RNF125: variants seen among roughly 807,000 people sequenced by gnomAD.
The protein encoded by RNF125 is ring finger protein 125.
RNF125 carries 21 observed loss-of-function variants against 26.0 expected under a neutral mutation model. The ratio of observed to expected loss-of-function variants is 0.81; its 90% CI spans 0.57 to 1.16. The LOEUF (loss-of-function observed/expected upper bound fraction) is 1.16, where lower values mean the gene tolerates loss of function less well. Among genes scored for constraint, RNF125 ranks in the 50% most tolerant of loss-of-function variants. The pLI is 0.00. For missense variants in RNF125, 270 were observed against 299.4 expected (o/e 0.90, Z 0.72); for synonymous variants, 95 against 109.2 (o/e 0.87, Z 0.81).
rs945699454 is a variant in RNF125 at position 32,072,860 on chromosome 18, G to T, written c.*4476G>T. 1.3e-5 allele frequency: 2 copies of T among 152,160 alleles called. No individual in the cohort carries two copies. The highest frequency in any genetic ancestry group is 4.8e-5 in the African/African-American group (2 of 41,428). 9.4% of individuals were successfully genotyped at this position (152,160 alleles called of 1,614,324 possible). A position where few individuals can be genotyped will look rare whatever the true frequency, so the allele number is the denominator to read the frequency against. ...GGATTGATTGTGAATCTACACTAAA[G>T]ATATGGTTCCAGGCAGACCTCCTTA... On this transcript the variant is annotated 3_prime_UTR_variant, in exon 6 of 6. Coordinates refer to ENST00000217740, the MANE Select transcript of RNF125 (RefSeq NM_017831.4).
chr18:32,058,236 C>T (rs140713984), intron 4 of RNF125, among the ~76,000 whole-genome samples: 11 of 151,768 alleles, frequency 7.2e-5, no homozygotes, highest in African/African-American at 7.3e-5. Context: ...ATTTATGGGG[C>T]ACATGAAATA....
rs1309562655 is a variant in RNF125, at chr18:32,064,401, T to TC, written c.505-1501_505-1500insC. ...GGTGAAATCTTTTTCTTTTTCTTTT[T>TC]TTTTTTTTTTTTTTTTTTGAGACAG... On this transcript the variant is annotated intron_variant, in intron 4 of 5. Coordinates refer to ENST00000217740, the MANE Select transcript of RNF125 (RefSeq NM_017831.4). Among the ~76,000 whole-genome samples, 5 of 121,530 alleles carry TC rather than the reference T, an allele frequency of 4.1e-5. No individual in the cohort carries two copies. In the East Asian group the frequency reaches 6.4e-4, roughly 15 times the overall value. The allele number at this position is 121,530 out of a possible 152,430, so 79.7% of individuals were successfully genotyped here. A position where few individuals can be genotyped will look rare whatever the true frequency, so the allele number is the denominator to read the frequency against.
chr18:32,037,741 A>G (rs999224447), intron 2 of RNF125, among the ~76,000 whole-genome samples: 10 of 152,078 alleles, frequency 6.6e-5, no homozygotes, highest in Non-Finnish European at 2.9e-5. Context: ...AGCGCTCTGT[A>G]AAATGCACCA....
intron 1 of RNF125, among the ~76,000 whole-genome samples, chr18:32,020,034 TTGAGA>T (rs1555690585): frequency 2.5e-5 from 3 of 121,598 alleles, no homozygotes; most frequent in Non-Finnish European, 5.1e-5. Context: ...GTGTGTGTGT[TTGAGA>T]GAGAGAGAGA....
rs2144521459 is a variant in RNF125 at position 32,069,386 on chromosome 18, A to T, written c.*1002A>T. The T allele has an allele frequency of 6.6e-6, 1 of 152,302 alleles. No homozygotes were observed. The highest frequency in any genetic ancestry group is 1.9e-4 in the East Asian group (1 of 5,192). The allele number at this position is 152,302 out of a possible 1,614,324, so 9.4% of individuals were successfully genotyped here. Reference sequence around the variant, plus strand: ...ATTTCTATAATATAAGCAATTTCTTAAAAACCATCAGATGATACTTACAGT... The same window carrying T: ...ATTTCTATAATATAAGCAATTTCTTTAAAACCATCAGATGATACTTACAGT... On this transcript the variant is annotated 3_prime_UTR_variant, in exon 6 of 6. Transcript: ENST00000217740.
At chr18:32,050,864 GCTTT>G (rs2039318030) in intron 4 of RNF125, among the ~76,000 whole-genome samples, 3 of 71,256 alleles carry the variant, frequency 4.2e-5, no homozygotes, top group Non-Finnish European at 7.8e-5. Flanking sequence ...GGTCTAGAGT[GCTTT>G]TTTTTTTTTT....
At chr18:32,040,204 G>C (rs9944938) in intron 2 of RNF125, among the ~76,000 whole-genome samples, 6 of 150,528 alleles carry the variant, frequency 4.0e-5, no homozygotes, top group Non-Finnish European at 7.4e-5. Flanking sequence ...TCAGAGTCCC[G>C]CCAGATCTCC....
intron 1 of RNF125, among the ~76,000 whole-genome samples, chr18:32,028,197 C>T (rs2039055856): frequency 1.3e-5 from 2 of 148,386 alleles, no homozygotes; most frequent in South Asian, 2.2e-4. Context: ...ACTCAGGAGG[C>T]TGAGGCAGGA....
chr18:32,025,267 T>C (rs548997274), intron 1 of RNF125, among the ~76,000 whole-genome samples: 2 of 152,202 alleles, frequency 1.3e-5, no homozygotes, highest in South Asian at 4.1e-4. Context: ...CACACCAGTA[T>C]CCAAAAGCCA....
chr18:32,075,896 T>A (rs1227850806), downstream of RNF125: 1 of 1,220,790 alleles, frequency 8.2e-7, no homozygotes, highest in African/African-American at 1.5e-5. Context: ...TAGAAAAGAA[T>A]CCTAGGATTT....
chr18:32,077,110 C>T (rs1165712936), downstream of RNF125, among the ~76,000 whole-genome samples: 1 of 152,088 alleles, frequency 6.6e-6, no homozygotes, highest in African/African-American at 2.4e-5. Flanking sequence ...ATGTCAAGTA[C>T]TTAGTAAATA....
intron 4 of RNF125, 130 bp from the exon 5 acceptor site, chr18:32,065,772 C>G (rs1009429447): frequency 3.2e-6 from 2 of 626,574 alleles, no homozygotes; most frequent in Non-Finnish European, 2.9e-6. Context: ...ACCTGGTGAT[C>G]CGGCCGCCTC....
At chr18:32,077,039 A>G (rs114525748), downstream of RNF125, among the ~76,000 whole-genome samples, 974 of 152,300 alleles carry the variant, frequency 6.4e-3, 14 homozygotes, top group African/African-American at 0.023. Context: ...TCTCTCTAGA[A>G]TATAAATTTT....
At chr18:32,080,602 G>C in the RNF125 span, among the ~76,000 whole-genome samples, 1 of 152,224 alleles carries the variant, frequency 6.6e-6, no homozygotes, top group Non-Finnish European at 1.5e-5. Flanking sequence ...GGGAGTTGTT[G>C]TTCATGGGTA....
Position 32,054,086 on chromosome 18 carries a change from C to CTTT in RNF125, c.504+8376_504+8378dup, listed in dbSNP as rs35616121. 2.2e-3 allele frequency among the ~76,000 whole-genome samples: 190 copies of CTTT among 88,344 alleles called. 2 individuals carry two copies. Among genetic ancestry groups the CTTT allele is most frequent in the Non-Finnish European group, 2.7e-3 (125 of 46,422 alleles). The allele number at this position is 88,344 out of a possible 152,430, so 58.0% of individuals were successfully genotyped here. The stretch of plus-strand genomic sequence containing the variant: ...GATCATGCCTGTGAAGACATTTGTA[C>CTTT]TTTTTTTTTTTTTTTTTTTTTTTTG... On this transcript the variant is annotated intron_variant, in intron 4 of 5. Coordinates refer to ENST00000217740, the MANE Select transcript of RNF125 (RefSeq NM_017831.4).
chr18:32,029,619 C>CAAAA, intron 1 of RNF125, among the ~76,000 whole-genome samples: 1 of 146,944 alleles, frequency 6.8e-6, no homozygotes, highest in African/African-American at 2.5e-5. Context: ...GACCCTGCCT[C>CAAAA]AAAAAAAAAA....
At chr18:32,065,756 C>T in intron 4 of RNF125, 146 bp from the exon 5 acceptor site, 4 of 606,396 alleles carry the variant, frequency 6.6e-6, no homozygotes, top group Non-Finnish European at 8.9e-6. Flanking sequence ...TGGTCTCCAT[C>T]TCTTGACCTG....
At chr18:32,080,530 T>C in the RNF125 span, among the ~76,000 whole-genome samples, 1 of 152,222 alleles carries the variant, frequency 6.6e-6, no homozygotes, top group African/African-American at 2.4e-5. Flanking sequence ...ACTGTAACTT[T>C]CTAATTTAAA....
At chr18:32,081,587 C>T in the RNF125 span, among the ~76,000 whole-genome samples, 1 of 152,040 alleles carries the variant, frequency 6.6e-6, no homozygotes, top group African/African-American at 2.4e-5. Context: ...TTAGTATCAC[C>T]CCCATTTTAA....
Sources: gnomAD v4.1 joint callset for allele counts (sites outside exome capture counted in the v4.1 genomes callset) on GRCh38, gnomAD v4.1.1 for gene constraint, MANE v1.5 for transcripts, NCBI Gene and HGNC (gene_info 2026-07-23, HGNC 2026-07-21) for gene names.